Variants in HBB observed in about 807,000 individuals in gnomAD.
HBB encodes the protein Hb Monza protein.
A neutral mutation model predicts 9.7 loss-of-function variants in HBB; 18 were observed. The observed-to-expected ratio is 1.86, with a 90% confidence interval of 1.28 to 2.76. HBB has a LOEUF of 2.76. HBB is among the 30% of genes most tolerant of loss of function. The pLI is 0.00. For synonymous variants in HBB, 99 were observed against 73.6 expected, an observed-to-expected ratio of 1.35 and a Z score of -1.77; for missense variants, 156 against 177.0, an observed-to-expected ratio of 0.88 and a Z score of 0.67.
Position 5,226,118 on chromosome 11 carries a change from C to T in HBB, c.316-392G>A, listed in dbSNP as rs1429457015. On this transcript the variant is annotated intron_variant, in intron 2 of 2. Coordinates refer to ENST00000335295, the MANE Select transcript of HBB (RefSeq NM_000518.5). ...TACCCTGATTTGGTCAATATGTGTA[C>T]ACATATTAAAACATTACACTTTAAC... The T allele has an allele frequency of 3.2e-6, 1 of 310,868 alleles. No individual in the cohort carries two copies. The highest frequency in any genetic ancestry group is 6.0e-6 in the Non-Finnish European group (1 of 166,068). 19.3% of individuals were successfully genotyped at this position (310,868 alleles called of 1,614,324 possible).
chr11:5,226,434 C>A lies in HBB; in HGVS notation c.315+143G>T, dbSNP rs191037579. 3 of 759,850 alleles carry A rather than the reference C, an allele frequency of 3.9e-6. No individual in the cohort carries two copies. Among genetic ancestry groups the A allele is most frequent in the Admixed American group, 4.8e-5 (2 of 42,084 alleles). 47.1% of individuals were successfully genotyped at this position (759,850 alleles called of 1,614,324 possible). On this transcript the variant is annotated intron_variant, in intron 2 of 2. Coordinates refer to ENST00000335295, the MANE Select transcript of HBB (RefSeq NM_000518.5). ...GAACAGCAAATAAAAGAAACTAAAA[C>A]GATCCTGAGACTTCCACACTGATGC...
rs1589892074 is a variant in HBB, at chr11:5,226,370, A to T, written c.315+207T>A. On this transcript the variant is annotated intron_variant, in intron 2 of 2. Transcript: ENST00000335295. ...AGTAAAAATTGCGGAGAAGAAAAAA[A>T]AAGAAAGCAAGAATTAAACAAAAGA... 6.5e-6 allele frequency: 4 copies of T among 617,698 alleles called. No homozygotes were observed. Among genetic ancestry groups the T allele is most frequent in the Non-Finnish European group, 1.1e-5 (4 of 353,008 alleles). The allele number at this position is 617,698 out of a possible 1,614,324, so 38.3% of individuals were successfully genotyped here.
chr11:5,226,917 C>T lies in HBB; in HGVS notation c.92+13G>A. The T allele has an allele frequency of 6.2e-7, 1 of 1,611,082 alleles. No homozygotes were observed. ...TGGTCTCCTTAAACCTGTCTTGTAA[C>T]CTTGATACCAACCTGCCCAGGGCCT... On this transcript the variant is annotated intron_variant, in intron 1 of 2. Coordinates refer to ENST00000335295, the MANE Select transcript of HBB (RefSeq NM_000518.5).
chr11:5,225,920 A>G lies in HBB; in HGVS notation c.316-194T>C, dbSNP rs1334395915. Among the ~76,000 whole-genome samples the G allele has an allele frequency of 6.6e-6, 1 of 152,214 alleles. No homozygotes were observed. The highest frequency in any genetic ancestry group is 2.4e-5 in the African/African-American group (1 of 41,430). ...AATATTTATATGCAGAGATATTGCT[A>G]TTGCCTTAACCCAGAAATTATCACT... On this transcript the variant is annotated intron_variant, in intron 2 of 2. Transcript: ENST00000335295.
chr11:5,225,564 C>T lies in HBB; in HGVS notation c.*34G>A, dbSNP rs200399660. The stretch of plus-strand genomic sequence containing the variant: ...TAGTTGGACTTAGGGAACAAAGGAA[C>T]CTTTAATAGAAATTGGACAGCAAGA... On this transcript the variant is annotated 3_prime_UTR_variant, in exon 3 of 3. Transcript: ENST00000335295. 5 of 1,612,470 alleles carry T rather than the reference C, an allele frequency of 3.1e-6. 1 individual carries two copies. The East Asian group carries it at 6.7e-5, about 22-fold the overall frequency.
In HBB at chr11:5,227,024, T is replaced by C. The variant is rs1847589920; in HGVS notation, c.-3A>G. Reference sequence around the variant, plus strand: ...TCCTCAGGAGTCAGATGCACCATGGTGTCTGTTTGAGGTTGCTAGTGAACA... The same window carrying C: ...TCCTCAGGAGTCAGATGCACCATGGCGTCTGTTTGAGGTTGCTAGTGAACA... On this transcript the variant is annotated 5_prime_UTR_variant, in exon 1 of 3. Coordinates refer to ENST00000335295, the MANE Select transcript of HBB (RefSeq NM_000518.5). The C allele has an allele frequency of 6.3e-7, 1 of 1,587,730 alleles. No homozygotes were observed. The highest frequency in any genetic ancestry group is 8.7e-7 in the Non-Finnish European group (1 of 1,155,810).
rs1847577181 is a variant in HBB, at chr11:5,226,889, T to C, written c.92+41A>G. On this transcript the variant is annotated intron_variant, in intron 1 of 2. Coordinates refer to ENST00000335295, the MANE Select transcript of HBB (RefSeq NM_000518.5). The stretch of plus-strand genomic sequence containing the variant: ...TCTCTGTCTCCACATGCCCAGTTTC[T>C]ATTGGTCTCCTTAAACCTGTCTTGT... The C allele has an allele frequency of 6.3e-7, 1 of 1,593,994 alleles. No individual in the cohort carries two copies. The highest frequency in any genetic ancestry group is 1.1e-5 in the South Asian group (1 of 90,714).
chr11:5,226,841 G>C, intron 1 of HBB, 42 bp from the exon 2 acceptor site: 1 of 1,598,304 alleles, frequency 6.3e-7, no homozygotes, highest in Non-Finnish European at 8.6e-7. Context: ...GAGAGTCAGT[G>C]CCTATCAGAA....
rs33985472 is a variant in HBB, at chr11:5,225,485, T to C, written c.*113A>G. 1 of 1,008,214 alleles carries C rather than the reference T, an allele frequency of 9.9e-7. No homozygotes were observed. 62.5% of individuals were successfully genotyped at this position (1,008,214 alleles called of 1,614,324 possible). On this transcript the variant is annotated 3_prime_UTR_variant, in exon 3 of 3. Coordinates refer to ENST00000335295, the MANE Select transcript of HBB (RefSeq NM_000518.5). ...ATCATTGCAATGAAAATAAATGTTT[T>C]TTATTAGGCAGAATCCAGATGCTCA...
At chr11:5,226,830 A>T (rs755640155) in intron 1 of HBB, 31 bp from the exon 2 acceptor site, 2 of 1,596,526 alleles carry the variant, frequency 1.3e-6, no homozygotes, top group South Asian at 1.1e-5. Flanking sequence ...CAATAGGCAG[A>T]GAGAGTCAGT....
intron 1 of HBB, 29 bp from the exon 2 acceptor site, chr11:5,226,828 A>G: frequency 1.9e-6 from 3 of 1,604,124 alleles, no homozygotes; most frequent in Non-Finnish European, 2.6e-6. Context: ...ACCAATAGGC[A>G]GAGAGAGTCA....
In HBB at chr11:5,225,692, T is replaced by C. The variant is rs33978082; in HGVS notation, c.350A>G (p.His117Arg). The change falls in exon 3 of 3, where the codon CAT (histidine) becomes CGT (arginine). Residue 117 changes from histidine (H) to arginine (R), a missense_variant. Physicochemically the swap from His to Arg is conservative, Grantham distance 29. Transcript: ENST00000335295. Reference protein sequence around the residue: ...LGNVLVCVLAHHFGKEFTPPV... With the variant: ...LGNVLVCVLARHFGKEFTPPV... ...TGGGGTGAATTCTTTGCCAAAGTGA[T>C]GGGCCAGCACACAGACCAGCACGTT... 6.2e-7 allele frequency: 1 copy of C among 1,614,046 alleles called. No individual in the cohort carries two copies. Among genetic ancestry groups the C allele is most frequent in the Non-Finnish European group, 8.5e-7 (1 of 1,179,958 alleles).
In HBB at chr11:5,226,285, T is replaced by G. The variant is rs1847544059; in HGVS notation, c.315+292A>C. On this transcript the variant is annotated intron_variant, in intron 2 of 2. Coordinates refer to ENST00000335295, the MANE Select transcript of HBB (RefSeq NM_000518.5). ...TGTGTAAAGTTTTTTTTTAAGTTACTTAATGTATCTCAGAGATATTTCCTT... is the reference window on the plus strand; with the variant it reads ...TGTGTAAAGTTTTTTTTTAAGTTACGTAATGTATCTCAGAGATATTTCCTT... 1.8e-6 allele frequency: 1 copy of G among 553,882 alleles called. No homozygotes were observed. The highest frequency in any genetic ancestry group is 3.2e-6 in the Non-Finnish European group (1 of 313,784). The allele number at this position is 553,882 out of a possible 1,614,324, so 34.3% of individuals were successfully genotyped here.
In HBB at chr11:5,226,304, T is replaced by C. The variant is rs1385612569; in HGVS notation, c.315+273A>G. ...AGTTACTTAATGTATCTCAGAGATATTTCCTTTTGTTATACACAATGTTAA... is the reference window on the plus strand; with the variant it reads ...AGTTACTTAATGTATCTCAGAGATACTTCCTTTTGTTATACACAATGTTAA... On this transcript the variant is annotated intron_variant, in intron 2 of 2. Transcript: ENST00000335295. 2 of 577,478 alleles carry C rather than the reference T, an allele frequency of 3.5e-6. No homozygotes were observed. The highest frequency in any genetic ancestry group is 2.2e-5 in the South Asian group (1 of 45,766). 35.8% of individuals were successfully genotyped at this position (577,478 alleles called of 1,614,324 possible).
Position 5,226,894 on chromosome 11 carries a change from G to A in HBB, c.92+36C>T, listed in dbSNP as rs776904725. On this transcript the variant is annotated intron_variant, in intron 1 of 2. Coordinates refer to ENST00000335295, the MANE Select transcript of HBB (RefSeq NM_000518.5). ...GTCTCCACATGCCCAGTTTCTATTG[G>A]TCTCCTTAAACCTGTCTTGTAACCT... The A allele has an allele frequency of 6.3e-7, 1 of 1,595,626 alleles. No individual in the cohort carries two copies. The highest frequency in any genetic ancestry group is 1.7e-5 in the Admixed American group (1 of 59,984).
rs1847576219 is a variant in HBB, at chr11:5,226,858, G to A, written c.93-59C>T. The A allele has an allele frequency of 6.3e-7, 1 of 1,594,512 alleles. No individual in the cohort carries two copies. The highest frequency in any genetic ancestry group is 1.7e-5 in the Admixed American group (1 of 59,950). Reference sequence around the variant, plus strand: ...GAGTCAGTGCCTATCAGAAACCCAAGAGTCTTCTCTGTCTCCACATGCCCA... The same window carrying A: ...GAGTCAGTGCCTATCAGAAACCCAAAAGTCTTCTCTGTCTCCACATGCCCA... On this transcript the variant is annotated intron_variant, in intron 1 of 2. Transcript: ENST00000335295.
chr11:5,226,490 T>C, intron 2 of HBB, 87 bp downstream of exon 2: 1 of 1,204,724 alleles, frequency 8.3e-7, no homozygotes, highest in Non-Finnish European at 1.2e-6. Context: ...TTCTAAACTG[T>C]ACCCTGTTAC....
rs1239893012 is a variant in HBB, at chr11:5,227,040, C to G, written c.-19G>C. The stretch of plus-strand genomic sequence containing the variant: ...GCACCATGGTGTCTGTTTGAGGTTG[C>G]TAGTGAACACAGTTGTGTCAGAAGC... On this transcript the variant is annotated 5_prime_UTR_variant, in exon 1 of 3. Transcript: ENST00000335295. 1 of 1,493,542 alleles carries G rather than the reference C, an allele frequency of 6.7e-7. No individual in the cohort carries two copies. The highest frequency in any genetic ancestry group is 9.4e-7 in the Non-Finnish European group (1 of 1,069,310). The allele number at this position is 1,493,542 out of a possible 1,614,324, so 92.5% of individuals were successfully genotyped here.
chr11:5,225,678 C>T lies in HBB; in HGVS notation c.364G>A (p.Glu122Lys), dbSNP rs33946267. 8.7e-6 allele frequency: 14 copies of T among 1,613,980 alleles called. No homozygotes were observed. In the African/African-American group the frequency reaches 1.3e-4, roughly 15 times the overall value. Reference sequence around the variant, plus strand: ...GCAGCCTGCACTGGTGGGGTGAATTCTTTGCCAAAGTGATGGGCCAGCACA... The same window carrying T: ...GCAGCCTGCACTGGTGGGGTGAATTTTTTGCCAAAGTGATGGGCCAGCACA... ...VCVLAHHFGK[E>K]FTPPVQAAYQ... is the part of the protein sequence containing the mutation. Residue 122 changes from glutamate (E) to lysine (K), a missense_variant, in exon 3 of 3, where the codon GAA (glutamate) becomes AAA (lysine). Glu to Lys is a moderately conservative substitution (Grantham distance 56). Transcript: ENST00000335295.
Sources: gnomAD v4.1 joint callset for allele counts (sites outside exome capture counted in the v4.1 genomes callset) on GRCh38, gnomAD v4.1.1 for gene constraint, MANE v1.5 for transcripts, NCBI Gene and HGNC (gene_info 2026-07-23, HGNC 2026-07-21) for gene names.